Variants in DPCD observed in about 807,000 individuals in gnomAD.
DPCD encodes the protein deleted in primary ciliary dyskinesia homolog (mouse).
A neutral mutation model predicts 26.4 loss-of-function variants in DPCD; 20 were observed. The ratio of observed to expected loss-of-function variants is 0.76; its 90% confidence interval spans 0.53 to 1.10. The LOEUF is 1.10. DPCD is among the 50% of genes least tolerant of loss of function. The probability of loss-of-function intolerance (pLI) is 0.00; values close to 1 mark genes in which losing one functional copy is unlikely to be tolerated. For synonymous variants in DPCD, 97 were observed against 94.2 expected (o/e 1.03, Z -0.17); for missense variants, 202 against 253.9 (o/e 0.80, Z 1.39).
chr10:101,608,934 C>A lies in DPCD; in HGVS notation c.504C>A (p.Ile168=). The change falls in exon 5 of 6, where the codon ATC becomes ATA. Residue 168 remains isoleucine (I), a synonymous_variant. Coordinates refer to ENST00000370151, the MANE Select transcript of DPCD (RefSeq NM_015448.3). ...CCCACGCCAACTGCACCCTGATCAT[C>A]TCTGTAAGATTCACCCAGACTTCTT... ...SFAHANCTLI[I]SYQKPKEVVV... 6.2e-7 allele frequency: 1 copy of A among 1,611,730 alleles called. No homozygotes were observed. The highest frequency in any genetic ancestry group is 8.5e-7 in the Non-Finnish European group (1 of 1,178,232).
intron 2 of DPCD, among the ~76,000 whole-genome samples, chr10:101,596,312 G>T (rs1198536354): frequency 6.6e-6 from 1 of 151,844 alleles, no homozygotes; most frequent in African/African-American, 2.4e-5. Flanking sequence ...GACTCTTACT[G>T]GGCACCATGC....
chr10:101,588,941 T>G (rs1238339954), intron 1 of DPCD, among the ~76,000 whole-genome samples: 1 of 152,250 alleles, frequency 6.6e-6, no homozygotes, highest in African/African-American at 2.4e-5. Context: ...AACTTCTAAA[T>G]ATTTTCTGTG....
rs182628887 is a variant in DPCD at position 101,603,726 on chromosome 10, C to T, written c.404+2390C>T. ...GAGCCAAGATCATGCCATTGCACTC[C>T]AGCCTGGGTGACAGAGTGAGACTCC... On this transcript the variant is annotated intron_variant, in intron 4 of 5. Transcript: ENST00000370151. This position sits in a 1 kb window ranked among gnomAD's most constrained non-coding sequence, Gnocchi z 4.6. Among the ~76,000 whole-genome samples, 73 of 151,200 alleles carry T rather than the reference C, an allele frequency of 4.8e-4. No homozygotes were observed. Among genetic ancestry groups the T allele is most frequent in the African/African-American group, 1.7e-3 (70 of 41,072 alleles).
intron 4 of DPCD, among the ~76,000 whole-genome samples, chr10:101,604,066 A>G (rs896464313): frequency 2.6e-5 from 4 of 152,230 alleles, no homozygotes; most frequent in African/African-American, 9.6e-5. Flanking sequence ...CAGGGTGGCC[A>G]TTCTGGCAGG....
intron 2 of DPCD, among the ~76,000 whole-genome samples, chr10:101,595,793 C>T (rs895286817): frequency 5.9e-5 from 9 of 152,168 alleles, no homozygotes; most frequent in African/African-American, 2.2e-4. Flanking sequence ...ATGTGTTTAG[C>T]ATATGACACT....
chr10:101,592,168 GC>G, intron 1 of DPCD, among the ~76,000 whole-genome samples: 1 of 152,256 alleles, frequency 6.6e-6, no homozygotes. Flanking sequence ...AAGGGAAGAT[GC>G]TCTGAGTGCA....
intron 5 of DPCD, chr10:101,609,164 C>A: frequency 1.6e-6 from 1 of 643,308 alleles, no homozygotes; most frequent in Non-Finnish European, 2.7e-6. Flanking sequence ...GAAAGGGAAG[C>A]GGTGGAAATT....
chr10:101,599,741 G>A (rs1394363999), intron 2 of DPCD, among the ~76,000 whole-genome samples: 1 of 152,192 alleles, frequency 6.6e-6, no homozygotes, highest in Non-Finnish European at 1.5e-5. Flanking sequence ...TGAGTACTGT[G>A]CACTTTTTGA....
chr10:101,588,525 G>C (rs2063523399), intron 1 of DPCD, 125 bp downstream of exon 1: 1 of 1,486,316 alleles, frequency 6.7e-7, no homozygotes, highest in Admixed American at 2.4e-5. Flanking sequence ...GCCAGGTCCT[G>C]CATTTGCAGA....
chr10:101,599,603 A>T (rs980734904), intron 2 of DPCD, among the ~76,000 whole-genome samples: 1 of 152,196 alleles, frequency 6.6e-6, no homozygotes, highest in Non-Finnish European at 1.5e-5. Flanking sequence ...TATACCGGTG[A>T]GGGCGTTTGG....
At chr10:101,593,475 G>A (rs1010523983) in intron 1 of DPCD, among the ~76,000 whole-genome samples, 121 of 152,280 alleles carry the variant, frequency 7.9e-4, no homozygotes, top group Non-Finnish European at 2.4e-4. Context: ...GTTTTACTGA[G>A]GAGTCTGCCT....
In DPCD at chr10:101,603,304, A is replaced by G. The variant is rs1564895290; in HGVS notation, c.404+1968A>G. 6.6e-6 allele frequency among the ~76,000 whole-genome samples: 1 copy of G among 152,144 alleles called. No homozygotes were observed. The highest frequency in any genetic ancestry group is 1.5e-5 in the Non-Finnish European group (1 of 68,030). On this transcript the variant is annotated intron_variant, in intron 4 of 5. Transcript: ENST00000370151. This position sits in a 1 kb window ranked among gnomAD's most constrained non-coding sequence, Gnocchi z 4.6. ...TTTTACCTTCTACCTGGAAGAATGT[A>G]TTTTATACCTTTACTCCCATTAATT...
chr10:101,604,401 G>A (rs796760504), intron 4 of DPCD, among the ~76,000 whole-genome samples: 3 of 152,278 alleles, frequency 2.0e-5, no homozygotes, highest in African/African-American at 7.2e-5. Context: ...ACCTGCCCCA[G>A]TTCTAATATT....
chr10:101,599,385 A>G (rs1054971136), intron 2 of DPCD, among the ~76,000 whole-genome samples: 5 of 152,208 alleles, frequency 3.3e-5, no homozygotes, highest in Non-Finnish European at 7.3e-5. Context: ...TGTGGGGGAA[A>G]AAAGTTGCCT....
In DPCD at chr10:101,608,822, G is replaced by C. The variant is rs369112227; in HGVS notation, c.405-13G>C. The C allele has an allele frequency of 6.9e-6, 11 of 1,602,072 alleles. No homozygotes were observed. The highest frequency in any genetic ancestry group is 9.4e-6 in the Non-Finnish European group (11 of 1,169,986). ...TTGCCGAGTGCCCCAATGGCCTCTC[G>C]GTGTCCCCACAGGTACTACAAGAAG... On this transcript the variant is annotated splice_polypyrimidine_tract_variant and intron_variant, in intron 4 of 5. Transcript: ENST00000370151.
At chr10:101,602,786 C>G (rs1419215254) in intron 4 of DPCD, among the ~76,000 whole-genome samples, 4 of 152,226 alleles carry the variant, frequency 2.6e-5, no homozygotes, top group Non-Finnish European at 4.4e-5. Flanking sequence ...ATCTGCAGCC[C>G]AGCACTTTGT....
chr10:101,592,415 A>C (rs2063616682), intron 1 of DPCD, among the ~76,000 whole-genome samples: 2 of 152,058 alleles, frequency 1.3e-5, no homozygotes, highest in Non-Finnish European at 2.9e-5. Flanking sequence ...TGTTTGGGAA[A>C]ACCCACTTTA....
intron 4 of DPCD, chr10:101,605,080 G>T: frequency 6.5e-7 from 1 of 1,549,808 alleles, no homozygotes; most frequent in Non-Finnish European, 8.7e-7. Context: ...TGTGGGTGGG[G>T]GTGCCAAGTT....
At position 101,609,529 on chromosome 10, in the gene DPCD, G is replaced by T; in HGVS notation, c.*58G>T. On this transcript the variant is annotated 3_prime_UTR_variant, in exon 6 of 6. Transcript: ENST00000370151. ...GGGTGCCGTGAGACTTCAAGGCTTG[G>T]CCCTTCTTGACCACGGCAGCCTCCT... The T allele has an allele frequency of 6.5e-7, 1 of 1,531,304 alleles. No homozygotes were observed. The highest frequency in any genetic ancestry group is 1.8e-5 in the Admixed American group (1 of 54,146). 94.9% of individuals were successfully genotyped at this position (1,531,304 alleles called of 1,614,324 possible). A position where few individuals can be genotyped will look rare whatever the true frequency, so the allele number is the denominator to read the frequency against.
Sources: gnomAD v4.1 joint callset for allele counts (sites outside exome capture counted in the v4.1 genomes callset) on GRCh38, gnomAD v4.1.1 for gene constraint, Gnocchi (gnomAD v3.1) non-coding constraint, MANE v1.5 for transcripts, NCBI Gene and HGNC (gene_info 2026-07-23, HGNC 2026-07-21) for gene names.